The following SPTAN1 variants were observed in gnomAD, a reference collection of about 807,000 sequenced individuals.
SPTAN1 encodes the protein spectrin alpha chain, non-erythrocytic 1.
SPTAN1 carries 61 observed loss-of-function variants against 331.3 expected under a neutral mutation model. The observed-to-expected ratio is 0.18, with a 90% CI of 0.15 to 0.23. The LOEUF is 0.23. SPTAN1 is among the 10% of genes least tolerant of loss of function. SPTAN1 has a pLI of 1.00. For missense variants in SPTAN1, 2,043 were observed against 3,147.9 expected, an observed-to-expected ratio of 0.65 and a Z score of 8.40; for synonymous variants, 1,153 against 1,173.9, an observed-to-expected ratio of 0.98 and a Z score of 0.36.
intron 24 of SPTAN1, among the ~76,000 whole-genome samples, chr9:128,597,651 G>GTGTTTGTTTTGTTTT: frequency 6.6e-6 from 1 of 152,062 alleles, no homozygotes; most frequent in East Asian, 1.9e-4. Context: ...GTTTTGTTTT[G>GTGTTTGTTTTGTTTT]TTTTTGTTTT....
intron 45 of SPTAN1, among the ~76,000 whole-genome samples, chr9:128,623,622 AT>A (rs777632874): frequency 0.16 from 18,889 of 117,002 alleles, 1,243 homozygotes; most frequent in East Asian, 0.36. Flanking sequence ...AACCTGGCTA[AT>A]TTTTTTTTTT....
At chr9:128,556,077 C>T (rs1452759030) in intron 1 of SPTAN1, among the ~76,000 whole-genome samples, 6 of 151,834 alleles carry the variant, frequency 4.0e-5, no homozygotes, top group Admixed American at 6.6e-5. Context: ...AAAAATTAGC[C>T]GGGTGTTGTG....
chr9:128,613,672 A>G (rs1856808015), intron 40 of SPTAN1, among the ~76,000 whole-genome samples, 187 bp downstream of exon 40: 2 of 152,192 alleles, frequency 1.3e-5, no homozygotes, highest in Non-Finnish European at 2.9e-5. Flanking sequence ...GATTTTTATT[A>G]TGTAGGTTTT....
intron 9 of SPTAN1, among the ~76,000 whole-genome samples, chr9:128,579,031 A>G (rs1404449382): frequency 1.3e-5 from 2 of 152,170 alleles, no homozygotes; most frequent in South Asian, 4.1e-4. Context: ...GGAGAAAACT[A>G]TAAAACTTTG....
rs1856587421 is a variant in SPTAN1, at chr9:128,611,694, A to G, written c.4774-20A>G. On this transcript the variant is annotated intron_variant, in intron 37 of 56. Coordinates refer to ENST00000372739, the MANE Select transcript of SPTAN1 (RefSeq NM_001130438.3). ...ACCTAGCAGGAACTGGTTTGGAAAAAATTTTTTTGGTATTTTTAGAGCAAG... is the reference window on the plus strand; with the variant it reads ...ACCTAGCAGGAACTGGTTTGGAAAAGATTTTTTTGGTATTTTTAGAGCAAG... 2 of 1,613,384 alleles carry G rather than the reference A, an allele frequency of 1.2e-6. No homozygotes were observed. The highest frequency in any genetic ancestry group is 3.3e-5 in the Admixed American group (2 of 59,976).
chr9:128,578,083 A>G, intron 8 of SPTAN1, 27 bp from the exon 9 acceptor site: 1 of 1,612,184 alleles, frequency 6.2e-7, no homozygotes, highest in South Asian at 1.1e-5. Context: ...CGCTGGAAAC[A>G]TAATGTCTTC....
chr9:128,617,755 A>G lies in SPTAN1; in HGVS notation c.5473A>G (p.Ile1825Val), dbSNP rs144458407. 3.7e-6 allele frequency: 6 copies of G among 1,613,844 alleles called. No individual in the cohort carries two copies. In the African/African-American group the frequency reaches 6.7e-5, roughly 18 times the overall value. Residue 1825 changes from isoleucine (I) to valine (V), a missense_variant, in exon 42 of 57, where the codon ATT becomes GTT. Ile to Val is a conservative substitution (Grantham distance 29). Coordinates refer to ENST00000372739, the MANE Select transcript of SPTAN1 (RefSeq NM_001130438.3). ...EAELAAHEPA[I>V]QGVLDTGKKL... ...AGAACTGGCTGCGCATGAGCCGGCT[A>G]TTCAGGTAAGGAGGCCGCCTTCTGG...
intron 21 of SPTAN1, among the ~76,000 whole-genome samples, chr9:128,590,636 G>T (rs1853358953): frequency 6.6e-6 from 1 of 151,234 alleles, no homozygotes. Flanking sequence ...TGGATCATGT[G>T]GTCAGGAGAT....
chr9:128,631,898 A>G (rs1859804190), intron 52 of SPTAN1: 5 of 575,322 alleles, frequency 8.7e-6, no homozygotes, highest in Non-Finnish European at 1.6e-5. Flanking sequence ...GCCCTCTGGC[A>G]GGTCTACCAG....
chr9:128,577,087 A>C lies in SPTAN1; in HGVS notation c.786-42A>C. On this transcript the variant is annotated intron_variant, in intron 6 of 56. Transcript: ENST00000372739. The surrounding 1 kb of genome is among the most constrained non-coding windows in gnomAD (Gnocchi z 4.2). ...CCATGGGGTGTTCCTAGTTCTAGGG[A>C]GTCATCATTGCTGTGGATTAACTGG... 1 of 1,614,052 alleles carries C rather than the reference A, an allele frequency of 6.2e-7. No homozygotes were observed. The highest frequency in any genetic ancestry group is 1.1e-5 in the South Asian group (1 of 91,070).
rs76614650 is a variant in SPTAN1 at position 128,583,309 on chromosome 9, A to G, written c.2011+28A>G. On this transcript the variant is annotated intron_variant, in intron 15 of 56. Transcript: ENST00000372739. Reference sequence around the variant, plus strand: ...AAGAGATGTTCCATTGAATTGTGACATGCATGTTTGGGGAACTAAATACCC... The same window carrying G: ...AAGAGATGTTCCATTGAATTGTGACGTGCATGTTTGGGGAACTAAATACCC... The G allele has an allele frequency of 3.4e-3, 5,512 of 1,609,242 alleles. 155 individuals are homozygous for G. In the African/African-American group the frequency reaches 0.063, roughly 18 times the overall value.
intron 45 of SPTAN1, chr9:128,621,727 T>G (rs1465497018): frequency 9.7e-6 from 2 of 206,912 alleles, no homozygotes; most frequent in Non-Finnish European, 2.0e-5. Context: ...ATCATATCAC[T>G]CCATAAATTA....
chr9:128,615,780 A>G lies in SPTAN1; in HGVS notation c.5297A>G (p.Asn1766Ser). The G allele has an allele frequency of 1.9e-6, 3 of 1,614,248 alleles. No homozygotes were observed. The highest frequency in any genetic ancestry group is 2.2e-5 in the East Asian group (1 of 44,886). ...SMAASRRAKL[N>S]ESHRLHQFFR... Reference sequence around the variant, plus strand: ...GCGGCCTCCCGGCGAGCCAAGCTGAATGAATCCCATCGCCTGCACCAGTTC... The same window carrying G: ...GCGGCCTCCCGGCGAGCCAAGCTGAGTGAATCCCATCGCCTGCACCAGTTC... Residue 1766 changes from asparagine to serine, a missense_variant, in exon 41 of 57, where the codon AAT (asparagine) becomes AGT (serine). Asn to Ser is a conservative substitution (Grantham distance 46, BLOSUM62 1). This residue lies in a region of SPTAN1 where 323 missense variants were observed against 581.1 expected (regional missense o/e 0.56). Transcript: ENST00000372739.
chr9:128,585,628 G>A (rs1564231283), intron 18 of SPTAN1, 120 bp from the exon 19 acceptor site: 1 of 842,686 alleles, frequency 1.2e-6, no homozygotes, highest in Non-Finnish European at 2.0e-6. Flanking sequence ...TTATGAAAGG[G>A]CACAGCTCAC....
At chr9:128,597,166 G>GA (rs1282574297) in intron 24 of SPTAN1, among the ~76,000 whole-genome samples, 2 of 151,278 alleles carry the variant, frequency 1.3e-5, no homozygotes, top group Non-Finnish European at 1.5e-5. Context: ...TCTCATTAGA[G>GA]AAAAAAAAGA....
chr9:128,619,003 G>T lies in SPTAN1; in HGVS notation c.5733G>T (p.Gln1911His), dbSNP rs745514857. 6.2e-7 allele frequency: 1 copy of T among 1,613,712 alleles called. No individual in the cohort carries two copies. Among genetic ancestry groups the T allele is most frequent in the South Asian group, 1.1e-5 (1 of 91,054 alleles). Residue 1911 changes from glutamine to histidine, a missense_variant and splice_region_variant, in exon 44 of 57, where the codon CAG becomes CAT. Transcript: ENST00000372739. ...EDYGDTLAAI[Q>H]GLLKKHEAFE... ...ATGGCGACACTCTTGCCGCCATCCA[G>T]GTGAGACAGAAACCAAAGGTGTCAC...
intron 1 of SPTAN1, among the ~76,000 whole-genome samples, chr9:128,555,821 TTG>T (rs1418274042): frequency 3.3e-5 from 5 of 152,156 alleles, no homozygotes; most frequent in Non-Finnish European, 4.4e-5. Context: ...ATAGTAAAAA[TTG>T]TGTTTTTAAA....
intron 51 of SPTAN1, chr9:128,628,941 C>G: frequency 2.6e-6 from 1 of 391,228 alleles, no homozygotes; most frequent in Non-Finnish European, 4.5e-6. Flanking sequence ...CCCTGCCCAT[C>G]TTGCCCATTC....
At chr9:128,591,929 A>G (rs931575694) in intron 22 of SPTAN1, among the ~76,000 whole-genome samples, 3 of 152,152 alleles carry the variant, frequency 2.0e-5, no homozygotes, top group African/African-American at 7.2e-5. Flanking sequence ...CAGATACTCT[A>G]CGCCCCTACA....
Sources: gnomAD v4.1 joint callset for allele counts (sites outside exome capture counted in the v4.1 genomes callset) on GRCh38, gnomAD v4.1.1 for gene constraint, gnomAD v4.1.1 regional missense constraint, Gnocchi (gnomAD v3.1) non-coding constraint, MANE v1.5 for transcripts, NCBI Gene and HGNC (gene_info 2026-07-23, HGNC 2026-07-21) for gene names.